GRID1: variants seen among roughly 807,000 people sequenced by gnomAD.
GRID1 encodes the protein glutamate ionotropic receptor delta type subunit 1.
GRID1 carries 28 observed loss-of-function variants against 98.0 expected under a neutral mutation model. That is an observed-to-expected ratio of 0.29 (90% CI 0.21 to 0.39). GRID1 has a LOEUF of 0.39. GRID1 is among the 10% of genes least tolerant of loss of function. The pLI is 1.00. For synonymous variants in GRID1, 553 were observed against 538.5 expected (o/e 1.03, Z -0.37); for missense variants, 1,111 against 1,340.5 (o/e 0.83, Z 2.67).
chr10:85,609,435 G>A (rs894854965), intron 15 of GRID1, among the ~76,000 whole-genome samples: 6 of 152,308 alleles, frequency 3.9e-5, no homozygotes, highest in East Asian at 1.9e-4. Context: ...TCAGTGCAAC[G>A]CTGTGGGTTG....
chr10:86,055,480 C>A (rs1449046376), intron 4 of GRID1, among the ~76,000 whole-genome samples: 1 of 152,114 alleles, frequency 6.6e-6, no homozygotes, highest in African/African-American at 2.4e-5. Context: ...TAAGAAGAGA[C>A]CCCTGTAATC....
intron 8 of GRID1, among the ~76,000 whole-genome samples, chr10:85,824,400 T>C (rs1247482327): frequency 6.6e-6 from 1 of 152,118 alleles, no homozygotes; most frequent in Non-Finnish European, 1.5e-5. Flanking sequence ...CTAGTAGAGA[T>C]GGTGCTTCAC....
chr10:85,879,831 G>A (rs1315488569), intron 5 of GRID1, among the ~76,000 whole-genome samples: 1 of 152,046 alleles, frequency 6.6e-6, no homozygotes, highest in Non-Finnish European at 1.5e-5. Flanking sequence ...ATGAATCCAG[G>A]AGCTGGTTTT....
At chr10:86,184,210 C>T (rs1202306353) in intron 3 of GRID1, among the ~76,000 whole-genome samples, 1 of 151,994 alleles carries the variant, frequency 6.6e-6, no homozygotes, top group African/African-American at 2.4e-5. Context: ...GGCTTTTTAT[C>T]CTCTTCACAG....
intron 4 of GRID1, among the ~76,000 whole-genome samples, chr10:85,977,196 T>C (rs183487715): frequency 6.6e-6 from 1 of 152,182 alleles, no homozygotes; most frequent in Admixed American, 6.5e-5. Flanking sequence ...AAGACTAGAG[T>C]TCCAAAAACG....
intron 2 of GRID1, among the ~76,000 whole-genome samples, chr10:86,362,655 A>C (rs1294830124): frequency 6.6e-6 from 1 of 152,014 alleles, no homozygotes; most frequent in Non-Finnish European, 1.5e-5. Context: ...GCTGCACCCA[A>C]GAATAGGAGA....
intron 4 of GRID1, among the ~76,000 whole-genome samples, chr10:86,079,959 G>A (rs975798302): frequency 3.3e-5 from 5 of 152,190 alleles, no homozygotes; most frequent in African/African-American, 1.2e-4. Context: ...GGACCATTCG[G>A]TAGAGGAGGA....
At chr10:85,651,348 A>C (rs1032312935) in intron 12 of GRID1, among the ~76,000 whole-genome samples, 3 of 152,212 alleles carry the variant, frequency 2.0e-5, no homozygotes, top group Admixed American at 2.0e-4. Context: ...CCCAGATGGA[A>C]GCAAGCATGG....
chr10:85,754,960 T>A lies in GRID1; in HGVS notation c.1234-25346A>T, dbSNP rs1842081767. 3.9e-5 allele frequency among the ~76,000 whole-genome samples: 6 copies of A among 152,334 alleles called. No homozygotes were observed. In the South Asian group the frequency reaches 1.2e-3, roughly 32 times the overall value. The stretch of plus-strand genomic sequence containing the variant: ...TTTATTTTTATCATTGTTACAATTT[T>A]TCTTAAAGAGCTTGGGATGCTTTTG... On this transcript the variant is annotated intron_variant, in intron 8 of 15. Transcript: ENST00000327946.
chr10:86,030,955 G>A (rs1843177907), intron 4 of GRID1, among the ~76,000 whole-genome samples: 1 of 152,074 alleles, frequency 6.6e-6, no homozygotes, highest in Non-Finnish European at 1.5e-5. Context: ...CAAACAAGAT[G>A]GTGCCTTCTG....
At chr10:86,159,179 T>C (rs183167163) in intron 3 of GRID1, among the ~76,000 whole-genome samples, 1 of 152,340 alleles carries the variant, frequency 6.6e-6, no homozygotes, top group Admixed American at 6.5e-5. Flanking sequence ...ATTAATTATA[T>C]GTTGAAATGA....
chr10:86,274,785 T>C (rs1847243660), intron 2 of GRID1, among the ~76,000 whole-genome samples: 1 of 151,840 alleles, frequency 6.6e-6, no homozygotes, highest in Admixed American at 6.6e-5. Context: ...TTGCTGAAGT[T>C]GCTTATCAGC....
intron 2 of GRID1, among the ~76,000 whole-genome samples, chr10:86,284,547 T>G (rs1212375562): frequency 6.6e-6 from 1 of 152,066 alleles, no homozygotes; most frequent in East Asian, 1.9e-4. Context: ...CACTGCGGAG[T>G]TGAACCAGCT....
At chr10:86,128,409 A>G (rs993397137) in intron 4 of GRID1, among the ~76,000 whole-genome samples, 4 of 151,862 alleles carry the variant, frequency 2.6e-5, no homozygotes, top group Admixed American at 6.6e-5. Flanking sequence ...TTTCTCCCCT[A>G]CCTTCACACT....
chr10:85,666,595 A>G (rs1424750911), intron 12 of GRID1, among the ~76,000 whole-genome samples: 3 of 152,126 alleles, frequency 2.0e-5, no homozygotes, highest in Non-Finnish European at 4.4e-5. Flanking sequence ...CTCATTTTAC[A>G]CTTTTATTTA....
At chr10:85,702,931 A>C (rs970568866) in intron 12 of GRID1, among the ~76,000 whole-genome samples, 1 of 151,742 alleles carries the variant, frequency 6.6e-6, no homozygotes, top group Admixed American at 6.6e-5. Context: ...GAAGAAGGGG[A>C]GCATAAGGAA....
At chr10:85,894,526 T>C (rs1841255621) in intron 5 of GRID1, among the ~76,000 whole-genome samples, 1 of 152,182 alleles carries the variant, frequency 6.6e-6, no homozygotes, top group Admixed American at 6.5e-5. Context: ...TTTTTGTGGG[T>C]TATGCAAAGA....
At chr10:85,927,079 G>A (rs1287005878) in intron 4 of GRID1, among the ~76,000 whole-genome samples, 1 of 152,124 alleles carries the variant, frequency 6.6e-6, no homozygotes, top group East Asian at 1.9e-4. Flanking sequence ...TAATTCAAAT[G>A]CTCAGACCAC....
intron 2 of GRID1, among the ~76,000 whole-genome samples, chr10:86,256,523 G>T: frequency 6.6e-6 from 1 of 152,086 alleles, no homozygotes; most frequent in Non-Finnish European, 1.5e-5. Flanking sequence ...AACTCACCCT[G>T]TTGGCAAGAG....
Sources: allele counts gnomAD v4.1 joint callset (sites outside exome capture counted in the v4.1 genomes callset), GRCh38; gene constraint gnomAD v4.1.1; transcripts MANE v1.5; gene names NCBI Gene and HGNC (gene_info 2026-07-23, HGNC 2026-07-21).